SIM1: variants seen among roughly 807,000 people sequenced by gnomAD.
SIM1 encodes SIM bHLH transcription factor 1, also known as single-minded homolog 1.
In SIM1, 18 loss-of-function variants were observed where a neutral mutation model predicts 78.2. The observed-to-expected ratio is 0.23, with a 90% CI of 0.16 to 0.34. SIM1 has a LOEUF of 0.34. Among genes scored for constraint, SIM1 ranks in the 10% least tolerant of loss-of-function variants. The pLI is 1.00. For missense variants in SIM1, 939 were observed against 975.1 expected (o/e 0.96, Z 0.49); for synonymous variants, 417 against 385.2 (o/e 1.08, Z -0.97).
At chr6:100,411,935 G>A (rs546874710) in intron 10 of SIM1, among the ~76,000 whole-genome samples, 35 of 152,234 alleles carry the variant, frequency 2.3e-4, no homozygotes, top group African/African-American at 6.7e-4. Flanking sequence ...GGCATTCACC[G>A]AACAGTGAGT....
intron 10 of SIM1, among the ~76,000 whole-genome samples, chr6:100,415,503 A>G (rs1771375892): frequency 6.6e-6 from 1 of 152,154 alleles, no homozygotes; most frequent in South Asian, 2.1e-4. Context: ...ATTTCTTACA[A>G]TTTTTCCAAA....
At position 100,463,343 on chromosome 6, in the gene SIM1, T is replaced by G; in HGVS notation, c.126A>C (p.Ile42=). 1.2e-6 allele frequency: 2 copies of G among 1,614,050 alleles called. No individual in the cohort carries two copies. Among genetic ancestry groups the G allele is most frequent in the Non-Finnish European group, 8.5e-7 (1 of 1,179,942 alleles). ...TGAGATAGCTGGTCGTGAGTCTGAT[T>G]ATGGATGCTTTGTCCAGCTGCGAGG... ...AITSQLDKAS[I]IRLTTSYLKM... Residue 42 remains isoleucine (I), a synonymous_variant, in exon 2 of 12, where the codon ATA becomes ATC. Transcript: ENST00000369208.
chr6:100,396,799 G>T lies in SIM1; in HGVS notation c.1168-2910C>A, dbSNP rs60068804. Among the ~76,000 whole-genome samples, 567 of 152,212 alleles carry T rather than the reference G, an allele frequency of 3.7e-3. 4 individuals are homozygous for T. The highest frequency in any genetic ancestry group is 0.013 in the African/African-American group (544 of 41,528). On this transcript the variant is annotated intron_variant, in intron 10 of 11. Transcript: ENST00000369208. ...CATTACTTGATCCAAAATATTTCAG[G>T]TATTCATTAAATATTTGAGGAAAGA...
At chr6:100,447,514 C>A in intron 8 of SIM1, 99 bp from the exon 9 acceptor site, 1 of 1,323,594 alleles carries the variant, frequency 7.6e-7, no homozygotes, top group Non-Finnish European at 1.1e-6. Context: ...TCCCTGTGGG[C>A]CCTAATAACT....
At position 100,386,705 on chromosome 6, in the gene SIM1, C is replaced by T. The variant is rs1770520952; in HGVS notation, c.*3656G>A. 1 of 151,940 alleles carries T rather than the reference C, an allele frequency of 6.6e-6. No individual in the cohort carries two copies. The allele number at this position is 151,940 out of a possible 1,614,324, so 9.4% of individuals were successfully genotyped here. On this transcript the variant is annotated 3_prime_UTR_variant, in exon 12 of 12. Coordinates refer to ENST00000369208, the MANE Select transcript of SIM1 (RefSeq NM_005068.3). ...GGTATAGAGTGAATTAAGAATAGTGCCCGATGGAAACAATCTAGCCCTATG... is the reference window on the plus strand; with the variant it reads ...GGTATAGAGTGAATTAAGAATAGTGTCCGATGGAAACAATCTAGCCCTATG...
chr6:100,436,031 AAGGTGCC>A (rs1772040076), intron 9 of SIM1, among the ~76,000 whole-genome samples: 2 of 151,754 alleles, frequency 1.3e-5, no homozygotes, highest in Non-Finnish European at 2.9e-5. Flanking sequence ...CACCCCTCCC[AAGGTGCC>A]CAACTCCTCC....
At chr6:100,398,712 G>A (rs77265343) in intron 10 of SIM1, among the ~76,000 whole-genome samples, 1,659 of 152,128 alleles carry the variant, frequency 0.011, 33 homozygotes, top group African/African-American at 0.038. Context: ...TTTTGACTAT[G>A]AAGCTACGAT....
intron 10 of SIM1, among the ~76,000 whole-genome samples, chr6:100,410,279 G>T (rs1771160196): frequency 6.6e-6 from 1 of 152,056 alleles, no homozygotes; most frequent in Admixed American, 6.6e-5. Flanking sequence ...TTTGATAGTA[G>T]ATTCAGCCAT....
In SIM1 at chr6:100,429,980, C is replaced by T. The variant is rs145006062; in HGVS notation, c.999-9022G>A. On this transcript the variant is annotated intron_variant, in intron 9 of 11. Coordinates refer to ENST00000369208, the MANE Select transcript of SIM1 (RefSeq NM_005068.3). ...CTGATCTGTTTACCACCGTTCCTAC[C>T]TTATAGAATGATCTGTCTCTGAAGC... is the stretch of plus-strand genomic sequence containing the variant. Among the ~76,000 whole-genome samples the T allele has an allele frequency of 6.1e-3, 927 of 152,172 alleles. 6 individuals carry two copies. The highest frequency in any genetic ancestry group is 7.6e-3 in the Non-Finnish European group (515 of 68,006).
chr6:100,412,675 A>C (rs533592391), intron 10 of SIM1, among the ~76,000 whole-genome samples: 3 of 115,662 alleles, frequency 2.6e-5, no homozygotes, highest in Non-Finnish European at 5.5e-5. Context: ...GAGAGAGAGA[A>C]AGAAAGAAAA....
In SIM1 at chr6:100,390,994, A is replaced by T; in HGVS notation, c.1668T>A (p.Ser556Arg). The T allele has an allele frequency of 3.1e-6, 5 of 1,614,138 alleles. No homozygotes were observed. The highest frequency in any genetic ancestry group is 4.2e-6 in the Non-Finnish European group (5 of 1,180,028). ...CAATTTTGCTGGGTTCATGTGGGCT[A>T]CTTTGATACTGCTCAGTACGATATC... Reference protein sequence around the residue: ...GDRYRTEQYQSSPHEPSKIET... With the variant: ...GDRYRTEQYQRSPHEPSKIET... Residue 556 changes from serine (S) to arginine (R), a missense_variant, in exon 12 of 12, where the codon AGT (serine) becomes AGA (arginine). Ser to Arg is a moderately radical substitution (Grantham distance 110, BLOSUM62 -1). Transcript: ENST00000369208.
At chr6:100,411,831 A>G (rs1036900699) in intron 10 of SIM1, among the ~76,000 whole-genome samples, 6 of 152,158 alleles carry the variant, frequency 3.9e-5, no homozygotes, top group African/African-American at 1.4e-4. Context: ...AAGAGGTGGC[A>G]CTCAATCTGG....
rs1156308389 is a variant in SIM1 at position 100,387,734 on chromosome 6, G to C, written c.*2627C>G. 6.6e-6 allele frequency: 1 copy of C among 152,014 alleles called. No individual in the cohort carries two copies. Among genetic ancestry groups the C allele is most frequent in the Non-Finnish European group, 1.5e-5 (1 of 67,946 alleles). The allele number at this position is 152,014 out of a possible 1,614,324, so 9.4% of individuals were successfully genotyped here. Reference sequence around the variant, plus strand: ...AAAATATTGGTCATGTCATTTTAAAGAGCATTATTCCTTCTGATTACTCTC... The same window carrying C: ...AAAATATTGGTCATGTCATTTTAAACAGCATTATTCCTTCTGATTACTCTC... On this transcript the variant is annotated 3_prime_UTR_variant, in exon 12 of 12. Coordinates refer to ENST00000369208, the MANE Select transcript of SIM1 (RefSeq NM_005068.3).
In SIM1 at chr6:100,449,390, G is replaced by C. The variant is rs775202739; in HGVS notation, c.516C>G (p.Asn172Lys). ...TGTAGCCGCCACAGGTGAGGCCGGC[G>C]TTACGCTTGGCCAAGACGCACTTCA... ...LRMKCVLAKR[N>K]AGLTCGGYKV... The change falls in exon 6 of 12, where the codon AAC becomes AAG. Residue 172 changes from asparagine (N) to lysine (K), a missense_variant. By Grantham distance (94) the Asn-to-Lys change is moderately conservative. Coordinates refer to ENST00000369208, the MANE Select transcript of SIM1 (RefSeq NM_005068.3). The C allele has an allele frequency of 6.2e-7, 1 of 1,613,994 alleles. No individual in the cohort carries two copies. Among genetic ancestry groups the C allele is most frequent in the East Asian group, 2.2e-5 (1 of 44,886 alleles).
rs35130308 is a variant in SIM1 at position 100,430,762 on chromosome 6, T to C, written c.999-9804A>G. ...CCATTACTGAACACCTTATATTTGG[T>C]TGAGGTTCTGTTATCACAGAAACAG... On this transcript the variant is annotated intron_variant, in intron 9 of 11. Transcript: ENST00000369208. Among the ~76,000 whole-genome samples, 145 of 152,252 alleles carry C rather than the reference T, an allele frequency of 9.5e-4. 2 individuals are homozygous for C. In the East Asian group the frequency reaches 0.025, roughly 27 times the overall value.
intron 7 of SIM1, 50 bp downstream of exon 7, chr6:100,448,429 C>A (rs765705820): frequency 6.4e-7 from 1 of 1,573,072 alleles, no homozygotes; most frequent in Non-Finnish European, 8.7e-7. Context: ...AGTCACTAAG[C>A]AGGGCCGCCC....
At chr6:100,453,646 G>A in intron 3 of SIM1, 116 bp downstream of exon 3, 1 of 766,854 alleles carries the variant, frequency 1.3e-6, no homozygotes, top group Admixed American at 2.6e-5. Flanking sequence ...TGTTTTTGTG[G>A]GGGGGGTTGT....
At chr6:100,408,499 G>A (rs915983163) in intron 10 of SIM1, among the ~76,000 whole-genome samples, 1 of 151,762 alleles carries the variant, frequency 6.6e-6, no homozygotes, top group African/African-American at 2.4e-5. Context: ...TCTTATTCCT[G>A]GTCTTAGAGG....
chr6:100,441,448 A>G (rs909998953), intron 9 of SIM1, among the ~76,000 whole-genome samples: 3 of 152,036 alleles, frequency 2.0e-5, no homozygotes, highest in African/African-American at 7.2e-5. Flanking sequence ...ACACACACAC[A>G]CCATGTAAGA....
Sources: allele counts gnomAD v4.1 joint callset (sites outside exome capture counted in the v4.1 genomes callset), GRCh38; gene constraint gnomAD v4.1.1; transcripts MANE v1.5; gene names NCBI Gene and HGNC (gene_info 2026-07-23, HGNC 2026-07-21).